The following MZB1 variants were observed in gnomAD, a reference collection of about 807,000 sequenced individuals.
MZB1 encodes marginal zone B and B1 cell specific protein.
Under a neutral mutation model 17.2 loss-of-function variants are expected in MZB1, and 10 were observed. The observed-to-expected ratio is 0.58, with a 90% confidence interval of 0.36 to 0.98. The LOEUF is 0.98. MZB1 is among the 50% of genes least tolerant of loss of function. The probability of loss-of-function intolerance (pLI) is 0.01; values close to 1 mark genes in which losing one functional copy is unlikely to be tolerated. For missense variants in MZB1, 246 were observed against 237.5 expected, an observed-to-expected ratio of 1.04 and a Z score of -0.23; for synonymous variants, 99 against 98.7, an observed-to-expected ratio of 1.00 and a Z score of -0.02.
In MZB1 at chr5:139,389,664, G is replaced by A. The variant is rs1561987569; in HGVS notation, c.177+16C>T. 6.3e-7 allele frequency: 1 copy of A among 1,583,902 alleles called. No homozygotes were observed. The highest frequency in any genetic ancestry group is 8.6e-7 in the Non-Finnish European group (1 of 1,164,920). On this transcript the variant is annotated intron_variant, in intron 1 of 3. Coordinates refer to ENST00000302125, the MANE Select transcript of MZB1 (RefSeq NM_016459.4). ...GGGGTGTGAGCAGGGCAGGGTGACA[G>A]TGGTGAAGGACTCACCTGGTAAGCC...
In MZB1 at chr5:139,389,709, A is replaced by G; in HGVS notation, c.148T>C (p.Cys50Arg). 6.3e-7 allele frequency: 1 copy of G among 1,584,184 alleles called. No individual in the cohort carries two copies. Among genetic ancestry groups the G allele is most frequent in the Non-Finnish European group, 8.6e-7 (1 of 1,165,530 alleles). ...TAAGCCACAGCTCTGCAGGCATCAC[A>G]GCGCAGGTGAGCGGGCATGTGGGCT... ...YSAHMPAHLR[C>R]DACRAVAYQM... The change falls in exon 1 of 4, where the codon TGT (cysteine) becomes CGT (arginine). Residue 50 changes from cysteine (C) to arginine (R), a missense_variant. By Grantham distance (180) the Cys-to-Arg change is radical. Transcript: ENST00000302125.
At position 139,388,595 on chromosome 5, in the gene MZB1, G is replaced by A. The variant is rs1483403175; in HGVS notation, c.178-10C>T. ...CCAGATTTTGCCACATCTGGAACAA[G>A]GAGGGACTGGGAGGCAGGGCCTCAG... On this transcript the variant is annotated splice_polypyrimidine_tract_variant and intron_variant, in intron 1 of 3. Transcript: ENST00000302125. 1.2e-6 allele frequency: 2 copies of A among 1,602,810 alleles called. No individual in the cohort carries two copies. The highest frequency in any genetic ancestry group is 2.3e-5 in the South Asian group (2 of 88,660).
At chr5:139,388,907 G>A (rs182069097) in intron 1 of MZB1, 19 of 217,362 alleles carry the variant, frequency 8.7e-5, no homozygotes, top group South Asian at 2.7e-4. Context: ...CACGCCGTTC[G>A]TCGCCCAGGC....
chr5:139,388,316 G>C, intron 2 of MZB1, 145 bp downstream of exon 2: 1 of 1,120,074 alleles, frequency 8.9e-7, no homozygotes, highest in Non-Finnish European at 1.3e-6. Flanking sequence ...CTCAGCTCCA[G>C]AGCCCAGACT....
chr5:139,388,621 G>C (rs1178015855), intron 1 of MZB1, 36 bp from the exon 2 acceptor site: 2 of 1,598,158 alleles, frequency 1.3e-6, no homozygotes, highest in East Asian at 4.5e-5. Flanking sequence ...AGGGCCTCAG[G>C]ACTGCTGCTC....
At chr5:139,388,635 TA>T in intron 1 of MZB1, 50 bp from the exon 2 acceptor site, 1 of 1,589,786 alleles carries the variant, frequency 6.3e-7, no homozygotes, top group African/African-American at 1.3e-5. Flanking sequence ...GCTGCTCAGT[TA>T]GGGGGAGGTG....
rs766261570 is a variant in MZB1, at chr5:139,389,767, T to C, written c.90A>G (p.Thr30=). ...GLGDRAPLTA[T]APQLDDEEMY... is the part of the protein sequence containing the mutation. ...TCTCCTCATCATCCAGTTGTGGGGC[T>C]GTGGCTGTGAGTGGCGCCCTGTCCC... Residue 30 remains threonine (T), a synonymous_variant, in exon 1 of 4, where the codon ACA becomes ACG. Coordinates refer to ENST00000302125, the MANE Select transcript of MZB1 (RefSeq NM_016459.4). The C allele has an allele frequency of 4.0e-5, 63 of 1,556,886 alleles. No individual in the cohort carries two copies. Among genetic ancestry groups the C allele is most frequent in the Non-Finnish European group, 5.2e-5 (60 of 1,150,412 alleles).
chr5:139,388,429 G>A (rs755882148), intron 2 of MZB1, 32 bp downstream of exon 2: 5 of 1,438,878 alleles, frequency 3.5e-6, no homozygotes, highest in Admixed American at 2.4e-5. Context: ...GCCCTTGGAG[G>A]AGGGAGGTGG....
At chr5:139,389,510 G>T (rs1758573912) in intron 1 of MZB1, 170 bp downstream of exon 1, 4 of 848,616 alleles carry the variant, frequency 4.7e-6, no homozygotes, top group Admixed American at 4.0e-5. Context: ...CTGTTAGGCA[G>T]GCAGATGGGT....
At position 139,387,706 on chromosome 5, in the gene MZB1, G is replaced by C; in HGVS notation, c.*59C>G. 2 of 1,469,948 alleles carry C rather than the reference G, an allele frequency of 1.4e-6. No homozygotes were observed. The highest frequency in any genetic ancestry group is 9.0e-7 in the Non-Finnish European group (1 of 1,112,988). The allele number at this position is 1,469,948 out of a possible 1,614,324, so 91.1% of individuals were successfully genotyped here. A position where few individuals can be genotyped will look rare whatever the true frequency, so the allele number is the denominator to read the frequency against. ...CCTGCCCTCCTGGCTGCCTGCAGAC[G>C]GGAGTGGAGACCGTCAGAGCAAGCC... On this transcript the variant is annotated 3_prime_UTR_variant, in exon 4 of 4. Transcript: ENST00000302125.
intron 3 of MZB1, 47 bp from the exon 4 acceptor site, chr5:139,387,968 G>T: frequency 6.3e-7 from 1 of 1,580,650 alleles, no homozygotes; most frequent in East Asian, 2.3e-5. Flanking sequence ...GCCCACAGTG[G>T]GGCAAACCAA....
rs1203479179 is a variant in MZB1, at chr5:139,389,660, G to A, written c.177+20C>T. 3 of 1,581,452 alleles carry A rather than the reference G, an allele frequency of 1.9e-6. No individual in the cohort carries two copies. Among genetic ancestry groups the A allele is most frequent in the Non-Finnish European group, 2.6e-6 (3 of 1,163,650 alleles). ...AGAAGGGGTGTGAGCAGGGCAGGGT[G>A]ACAGTGGTGAAGGACTCACCTGGTA... On this transcript the variant is annotated intron_variant, in intron 1 of 3. Coordinates refer to ENST00000302125, the MANE Select transcript of MZB1 (RefSeq NM_016459.4).
chr5:139,388,887 G>T (rs555695145), intron 1 of MZB1: 2 of 251,594 alleles, frequency 7.9e-6, no homozygotes, highest in Admixed American at 5.2e-5. Flanking sequence ...TATTTATTTA[G>T]AGAGAGTCTC....
At position 139,388,042 on chromosome 5, in the gene MZB1, G is replaced by A. The variant is rs377063661; in HGVS notation, c.392C>T (p.Thr131Ile). ...TCACCTGGTAGGCCAGGGGCCCCCT[G>A]TGACCATCACGCTGATGCTTGGCTC... is the stretch of plus-strand genomic sequence containing the variant. ...GPEPSISVMV[T>I]GGPWPTRLSR... The change falls in exon 3 of 4, where the codon ACA becomes ATA. Residue 131 changes from threonine to isoleucine, a missense_variant. Thr to Ile is a moderately conservative substitution (Grantham distance 89, BLOSUM62 -1). Coordinates refer to ENST00000302125, the MANE Select transcript of MZB1 (RefSeq NM_016459.4). The A allele has an allele frequency of 1.1e-5, 17 of 1,556,310 alleles. No homozygotes were observed. The African/African-American group carries it at 2.0e-4, about 19-fold the overall frequency.
Position 139,388,463 on chromosome 5 carries a change from C to A in MZB1, c.300G>T (p.Gln100His). ...VLDRSCSRNW[Q>H]DYGVREVDQV... The stretch of plus-strand genomic sequence containing the variant: ...GGGGGGCAGGATTGGCAACTCACTC[C>A]TGCCAGTTCCGGGAGCAGCTCCGGT... Residue 100 changes from glutamine to histidine, a missense_variant and splice_region_variant, in exon 2 of 4, where the codon CAG becomes CAT. By Grantham distance (24) the Gln-to-His change is conservative. Transcript: ENST00000302125. 6.2e-7 allele frequency: 1 copy of A among 1,603,296 alleles called. No individual in the cohort carries two copies. The highest frequency in any genetic ancestry group is 8.5e-7 in the Non-Finnish European group (1 of 1,175,302).
chr5:139,388,342 C>T lies in MZB1; in HGVS notation c.302+119G>A, dbSNP rs1268995816. On this transcript the variant is annotated intron_variant, in intron 2 of 3. Transcript: ENST00000302125. ...AGCCCAGACTTCATCCCAGCCAGCC[C>T]CTCCCTTGGACCAGAGTCCTAGAGG... 1.5e-5 allele frequency: 19 copies of T among 1,235,784 alleles called. No individual in the cohort carries two copies. The East Asian group carries it at 4.6e-4, about 30-fold the overall frequency. The allele number at this position is 1,235,784 out of a possible 1,614,324, so 76.6% of individuals were successfully genotyped here.
Position 139,389,898 on chromosome 5 carries a change from G to A in MZB1, c.-42C>T. The A allele has an allele frequency of 1.3e-6, 2 of 1,523,860 alleles. No homozygotes were observed. Among genetic ancestry groups the A allele is most frequent in the Non-Finnish European group, 1.8e-6 (2 of 1,139,572 alleles). 94.4% of individuals were successfully genotyped at this position (1,523,860 alleles called of 1,614,324 possible). A position where few individuals can be genotyped will look rare whatever the true frequency, so the allele number is the denominator to read the frequency against. On this transcript the variant is annotated 5_prime_UTR_variant, in exon 1 of 4. Coordinates refer to ENST00000302125, the MANE Select transcript of MZB1 (RefSeq NM_016459.4). Reference sequence around the variant, plus strand: ...TCAGCAAGTGTAGTCTGTGGTTGAGGTGCAGATGTGTGTGTGCTTGTGTGG... The same window carrying A: ...TCAGCAAGTGTAGTCTGTGGTTGAGATGCAGATGTGTGTGTGCTTGTGTGG...
Position 139,388,114 on chromosome 5 carries a change from A to G in MZB1, c.320T>C (p.Val107Ala), listed in dbSNP as rs867548333. 14 of 1,550,884 alleles carry G rather than the reference A, an allele frequency of 9.0e-6. No homozygotes were observed. The African/African-American group carries it at 1.6e-4, about 18-fold the overall frequency. ...RNWQDYGVRE[V>A]DQVKRLTGPG... is the part of the protein sequence containing the mutation. The stretch of plus-strand genomic sequence containing the variant: ...GCCTGTGAGACGTTTCACTTGGTCC[A>G]CTTCTCGAACTCCGTAGCTGGTGGC... The change falls in exon 3 of 4, where the codon GTG (valine) becomes GCG (alanine). Residue 107 changes from valine (V) to alanine (A), a missense_variant. Val to Ala is a moderately conservative substitution (Grantham distance 64, BLOSUM62 0). Transcript: ENST00000302125.
chr5:139,388,670 G>C (rs1758555268), intron 1 of MZB1, 85 bp from the exon 2 acceptor site: 1 of 1,539,074 alleles, frequency 6.5e-7, no homozygotes, highest in Non-Finnish European at 8.8e-7. Flanking sequence ...CAGAGTCTCT[G>C]GGGAAAATAA....
Sources: allele counts gnomAD v4.1 joint callset, GRCh38; gene constraint gnomAD v4.1.1; transcripts MANE v1.5; gene names NCBI Gene and HGNC (gene_info 2026-07-23, HGNC 2026-07-21).